The following RASD2 variants were observed in gnomAD, a reference collection of about 807,000 sequenced individuals.
RASD2 encodes the protein GTP-binding protein Rhes.
In RASD2, 7 loss-of-function variants were observed where a neutral mutation model predicts 15.8. The ratio of observed to expected loss-of-function variants is 0.44; its 90% CI spans 0.25 to 0.83. The LOEUF (loss-of-function observed/expected upper bound fraction) is 0.83, where lower values mean the gene tolerates loss of function less well. Among genes scored for constraint, RASD2 ranks in the 40% least tolerant of loss-of-function variants. RASD2 has a pLI of 0.20. For synonymous variants in RASD2, 155 were observed against 153.6 expected, an observed-to-expected ratio of 1.01 and a Z score of -0.07; for missense variants, 274 against 382.8, an observed-to-expected ratio of 0.72 and a Z score of 2.37.
chr22:35,533,849 G>T, the RASD2 span, among the ~76,000 whole-genome samples: 2 of 151,748 alleles, frequency 1.3e-5, no homozygotes, highest in Non-Finnish European at 2.9e-5. Context: ...TGATGGGGAT[G>T]ATGATCACAG....
At position 35,552,192 on chromosome 22, in the gene RASD2, T is replaced by C; in HGVS notation, c.*160T>C. On this transcript the variant is annotated 3_prime_UTR_variant, in exon 3 of 3. Coordinates refer to ENST00000216127, the MANE Select transcript of RASD2 (RefSeq NM_014310.4). The stretch of plus-strand genomic sequence containing the variant: ...GGGCGCTGGCCTCCGCACATTCGTC[T>C]GCCTTCTCACAGCTTTCCTGAGTCC... The C allele has an allele frequency of 3.2e-6, 3 of 925,872 alleles. No individual in the cohort carries two copies. The highest frequency in any genetic ancestry group is 4.7e-6 in the Non-Finnish European group (3 of 634,656). 57.4% of individuals were successfully genotyped at this position (925,872 alleles called of 1,614,324 possible).
chr22:35,546,759 G>A (rs1934512247), intron 1 of RASD2, 42 bp from the exon 2 acceptor site: 1 of 1,589,812 alleles, frequency 6.3e-7, no homozygotes, highest in African/African-American at 1.3e-5. Context: ...GTGGGGCCAG[G>A]TCGGGGGGGC....
At chr22:35,533,712 G>GTGA in the RASD2 span, among the ~76,000 whole-genome samples, 1 of 119,582 alleles carries the variant, frequency 8.4e-6, no homozygotes, top group Non-Finnish European at 1.7e-5. Flanking sequence ...GGTGATGATG[G>GTGA]TGATGGTGAT....
At chr22:35,537,612 AC>A (rs1934261809), upstream of RASD2, among the ~76,000 whole-genome samples, 3 of 152,348 alleles carry the variant, frequency 2.0e-5, no homozygotes, top group South Asian at 6.2e-4. Flanking sequence ...AGGACCAGTT[AC>A]CCACAGCACA....
the RASD2 span, among the ~76,000 whole-genome samples, chr22:35,533,116 G>A: frequency 6.6e-6 from 1 of 152,246 alleles, no homozygotes; most frequent in Non-Finnish European, 1.5e-5. Context: ...AGCAGACTGA[G>A]AACAGGGCCT....
At chr22:35,538,583 A>G (rs1451490314), upstream of RASD2, among the ~76,000 whole-genome samples, 1 of 152,014 alleles carries the variant, frequency 6.6e-6, no homozygotes, top group Admixed American at 6.6e-5. Flanking sequence ...GGAGTGGGGG[A>G]GGGCAGGAGC....
At position 35,548,842 on chromosome 22, in the gene RASD2, C is replaced by A. The variant is rs564622993; in HGVS notation, c.271+1762C>A. 1.5e-3 allele frequency among the ~76,000 whole-genome samples: 224 copies of A among 152,140 alleles called. 1 individual carries two copies. The highest frequency in any genetic ancestry group is 2.3e-3 in the Non-Finnish European group (157 of 68,032). On this transcript the variant is annotated intron_variant, in intron 2 of 2. Coordinates refer to ENST00000216127, the MANE Select transcript of RASD2 (RefSeq NM_014310.4). Reference sequence around the variant, plus strand: ...CCTGTCTGAGTCTCAGCCTCCCCAGCCACACAGTGGGCTTAACCTCATACC... The same window carrying A: ...CCTGTCTGAGTCTCAGCCTCCCCAGACACACAGTGGGCTTAACCTCATACC...
At chr22:35,535,069 CA>C in the RASD2 span, among the ~76,000 whole-genome samples, 1 of 152,176 alleles carries the variant, frequency 6.6e-6, no homozygotes, top group Non-Finnish European at 1.5e-5. Context: ...ACATGCTTTT[CA>C]AACCTATTTG....
At chr22:35,545,578 A>G (rs1934478558) in intron 1 of RASD2, among the ~76,000 whole-genome samples, 1 of 152,174 alleles carries the variant, frequency 6.6e-6, no homozygotes, top group African/African-American at 2.4e-5. Context: ...ATATTTCAGC[A>G]GGCCTGTGCC....
chr22:35,542,047 T>C (rs1346860672), intron 1 of RASD2, among the ~76,000 whole-genome samples: 1 of 152,202 alleles, frequency 6.6e-6, no homozygotes, highest in Non-Finnish European at 1.5e-5. Context: ...CTTAGCTGTC[T>C]TGGAGGGCCC....
intron 1 of RASD2, among the ~76,000 whole-genome samples, chr22:35,546,352 G>C (rs953532624): frequency 4.6e-5 from 7 of 152,166 alleles, no homozygotes; most frequent in Non-Finnish European, 1.0e-4. Context: ...CACAGGCTCC[G>C]GGAAAGCCAG....
At chr22:35,542,735 C>T (rs1164076968) in intron 1 of RASD2, among the ~76,000 whole-genome samples, 1 of 152,214 alleles carries the variant, frequency 6.6e-6, no homozygotes, top group Non-Finnish European at 1.5e-5. Flanking sequence ...CGTCCAGACT[C>T]TTGTCCTGCT....
At chr22:35,534,147 C>T in the RASD2 span, among the ~76,000 whole-genome samples, 1 of 152,236 alleles carries the variant, frequency 6.6e-6, no homozygotes, top group Non-Finnish European at 1.5e-5. Flanking sequence ...CTGCCTCTAA[C>T]TAGTCAAGTG....
the RASD2 span, among the ~76,000 whole-genome samples, chr22:35,534,964 A>T: frequency 6.6e-6 from 1 of 152,158 alleles, no homozygotes; most frequent in Non-Finnish European, 1.5e-5. Context: ...GAAGAAACTG[A>T]CCACTATTTA....
chr22:35,538,457 G>A (rs137933880), upstream of RASD2, among the ~76,000 whole-genome samples: 149 of 152,274 alleles, frequency 9.8e-4, 1 homozygote, highest in Non-Finnish European at 1.8e-3. Context: ...TGGGTGGGGA[G>A]GGGGGAAGGG....
chr22:35,542,489 G>A (rs2145868347), intron 1 of RASD2, among the ~76,000 whole-genome samples: 1 of 152,348 alleles, frequency 6.6e-6, no homozygotes, highest in South Asian at 2.1e-4. Context: ...CCGGGCTGGT[G>A]AGAGGCAGAG....
chr22:35,539,715 T>C (rs907968096), upstream of RASD2, among the ~76,000 whole-genome samples: 1 of 152,186 alleles, frequency 6.6e-6, no homozygotes, highest in Non-Finnish European at 1.5e-5. Flanking sequence ...GATACTGATT[T>C]CCCATTTAAG....
At chr22:35,533,981 G>A in the RASD2 span, among the ~76,000 whole-genome samples, 1 of 152,122 alleles carries the variant, frequency 6.6e-6, no homozygotes, top group Admixed American at 6.5e-5. Context: ...TGAAGGCAAT[G>A]GTGATGATGA....
chr22:35,549,540 G>A (rs555178932), intron 2 of RASD2, among the ~76,000 whole-genome samples: 12 of 152,120 alleles, frequency 7.9e-5, no homozygotes, highest in Admixed American at 2.0e-4. Flanking sequence ...TTAGCCTAAC[G>A]GGATGGGGTT....
Sources: gnomAD v4.1 joint callset for allele counts (sites outside exome capture counted in the v4.1 genomes callset) on GRCh38, gnomAD v4.1.1 for gene constraint, MANE v1.5 for transcripts, NCBI Gene and HGNC (gene_info 2026-07-23, HGNC 2026-07-21) for gene names.